The following TRPM3 variants were observed in gnomAD, a reference collection of about 807,000 sequenced individuals.
TRPM3 encodes the protein long transient receptor potential channel 3.
TRPM3 carries 77 observed loss-of-function variants against 181.2 expected under a neutral mutation model. That is an observed-to-expected ratio of 0.42 (90% CI 0.35 to 0.51). TRPM3 has a LOEUF of 0.51. Ranked by LOEUF, TRPM3 falls within the 20% of genes least tolerant of loss-of-function variation. The pLI, the probability that TRPM3 is intolerant of heterozygous loss-of-function variation, is 0.01. For missense variants in TRPM3, 1,759 were observed against 2,196.7 expected (o/e 0.80, Z 3.98); for synonymous variants, 745 against 796.4 (o/e 0.94, Z 1.09).
intron 8 of TRPM3, among the ~76,000 whole-genome samples, chr9:70,755,336 CAA>C (rs2076872387): frequency 6.6e-6 from 1 of 151,210 alleles, no homozygotes. Flanking sequence ...AGAAACCCTA[CAA>C]GTCAGAAGAG....
chr9:71,384,161 G>C (rs2092873538), intron 1 of TRPM3, among the ~76,000 whole-genome samples: 2 of 152,086 alleles, frequency 1.3e-5, no homozygotes, highest in Admixed American at 1.3e-4. Flanking sequence ...AACTCTAGTT[G>C]TTTTCATATT....
At chr9:71,312,735 C>T (rs1014093574) in intron 1 of TRPM3, among the ~76,000 whole-genome samples, 1 of 151,990 alleles carries the variant, frequency 6.6e-6, no homozygotes, top group African/African-American at 2.4e-5. Flanking sequence ...AACTGAGTTA[C>T]CAAACCATAA....
intron 1 of TRPM3, among the ~76,000 whole-genome samples, chr9:71,352,833 TG>T (rs1240936067): frequency 6.6e-6 from 1 of 152,134 alleles, no homozygotes; most frequent in Non-Finnish European, 1.5e-5. Flanking sequence ...GAAGCTCCCT[TG>T]GAGGTGTAAC....
chr9:70,667,849 C>T (rs944529933), intron 9 of TRPM3, among the ~76,000 whole-genome samples: 1 of 152,158 alleles, frequency 6.6e-6, no homozygotes, highest in African/African-American at 2.4e-5. Context: ...GATCACATCC[C>T]ATTGGTTGAA....
intron 1 of TRPM3, among the ~76,000 whole-genome samples, chr9:71,276,554 A>T (rs1337048395): frequency 6.6e-6 from 1 of 152,240 alleles, no homozygotes; most frequent in African/African-American, 2.4e-5. Context: ...CCATAAGTAG[A>T]TTACAATGTG....
At chr9:70,821,503 T>A (rs1468874790) in intron 6 of TRPM3, among the ~76,000 whole-genome samples, 1 of 152,188 alleles carries the variant, frequency 6.6e-6, no homozygotes, top group African/African-American at 2.4e-5. Context: ...CTAACACATG[T>A]TTATTAAGCA....
chr9:70,555,234 T>A (rs775424996), intron 22 of TRPM3, among the ~76,000 whole-genome samples: 5 of 152,208 alleles, frequency 3.3e-5, no homozygotes, highest in Admixed American at 2.0e-4. Context: ...TCTTTAGTGC[T>A]CACCTGGCTT....
chr9:70,859,810 G>A (rs1200920820), intron 3 of TRPM3, among the ~76,000 whole-genome samples: 3 of 152,186 alleles, frequency 2.0e-5, no homozygotes, highest in Non-Finnish European at 2.9e-5. Flanking sequence ...AATTGTTGAG[G>A]TGTAACAGTG....
intron 1 of TRPM3, among the ~76,000 whole-genome samples, chr9:70,976,700 C>A (rs906393234): frequency 6.6e-6 from 1 of 152,202 alleles, no homozygotes. Context: ...TGTGCAATCT[C>A]GGGCAGGGTT....
chr9:70,682,761 C>CCAAAATATTGCTT (rs2065792963), intron 8 of TRPM3, among the ~76,000 whole-genome samples: 1 of 152,102 alleles, frequency 6.6e-6, no homozygotes, highest in South Asian at 2.1e-4. Context: ...AGAAAAAAAG[C>CCAAAATATTGCTT]CAAAATATTG....
chr9:70,666,362 T>C (rs970101464), intron 9 of TRPM3, among the ~76,000 whole-genome samples: 4 of 152,242 alleles, frequency 2.6e-5, no homozygotes, highest in Non-Finnish European at 5.9e-5. Flanking sequence ...TTTTGTGTTC[T>C]GTATTTGTTT....
intron 1 of TRPM3, among the ~76,000 whole-genome samples, chr9:70,886,584 G>A (rs1434632563): frequency 6.6e-6 from 1 of 152,178 alleles, no homozygotes; most frequent in Non-Finnish European, 1.5e-5. Flanking sequence ...AGTAAGGACT[G>A]CTGAGGAAGA....
At chr9:71,418,891 CATATATATGTGTGTGTGT>C (rs1230981634) in intron 1 of TRPM3, among the ~76,000 whole-genome samples, 1 of 123,024 alleles carries the variant, frequency 8.1e-6, no homozygotes, top group Admixed American at 9.4e-5. Flanking sequence ...TATATACACA[CATATATATGTGTGTGTGT>C]ATATATATGT....
At chr9:71,045,773 G>A (rs952862875) in intron 1 of TRPM3, among the ~76,000 whole-genome samples, 3 of 152,102 alleles carry the variant, frequency 2.0e-5, no homozygotes, top group East Asian at 3.8e-4. Context: ...TACTCAATCC[G>A]GTGCTTCCCA....
intron 1 of TRPM3, among the ~76,000 whole-genome samples, chr9:71,298,845 A>G (rs1273792984): frequency 6.6e-6 from 1 of 152,164 alleles, no homozygotes; most frequent in African/African-American, 2.4e-5. Flanking sequence ...TTTATAAGGA[A>G]AAAGACACCA....
At position 70,941,386 on chromosome 9, in the gene TRPM3, G is replaced by T. The variant is rs1181124117; in HGVS notation, c.178-76875C>A. On this transcript the variant is annotated intron_variant, in intron 1 of 25. Transcript: ENST00000677713. The stretch of plus-strand genomic sequence containing the variant: ...TGGACTTACACCAGTGATTTGCCAA[G>T]GGCTCTCAGGCCGTCAGCCACAGAC... Among the ~76,000 whole-genome samples, 3 of 152,160 alleles carry T rather than the reference G, an allele frequency of 2.0e-5. No individual in the cohort carries two copies. In the East Asian group the frequency reaches 5.8e-4, roughly 29 times the overall value.
chr9:71,125,726 T>C (rs1448970176), upstream of TRPM3, among the ~76,000 whole-genome samples: 1 of 152,132 alleles, frequency 6.6e-6, no homozygotes, highest in Non-Finnish European at 1.5e-5. Flanking sequence ...GGGATTGTGG[T>C]AGATTAAATA....
intron 3 of TRPM3, among the ~76,000 whole-genome samples, chr9:70,856,334 G>C (rs959875204): frequency 1.3e-5 from 2 of 152,152 alleles, no homozygotes; most frequent in South Asian, 4.1e-4. Context: ...AAAATCAATG[G>C]AACAATTACA....
chr9:71,091,082 C>A (rs1437679254), intron 1 of TRPM3, among the ~76,000 whole-genome samples: 2 of 152,046 alleles, frequency 1.3e-5, no homozygotes, highest in East Asian at 3.9e-4. Context: ...GGGTCAGGAG[C>A]ATTACTACCT....
Sources: gnomAD v4.1 joint callset for allele counts (sites outside exome capture counted in the v4.1 genomes callset) on GRCh38, gnomAD v4.1.1 for gene constraint, MANE v1.5 for transcripts, NCBI Gene and HGNC (gene_info 2026-07-23, HGNC 2026-07-21) for gene names.